Variants in ST18 observed in about 807,000 individuals in gnomAD.
The protein encoded by ST18 is suppression of tumorigenicity 18 protein.
ST18 carries 50 observed loss-of-function variants against 110.0 expected under a neutral mutation model. The observed-to-expected ratio is 0.45, with a 90% confidence interval of 0.36 to 0.58. The LOEUF (loss-of-function observed/expected upper bound fraction) is 0.58, where lower values mean the gene tolerates loss of function less well. Among genes scored for constraint, ST18 ranks in the 20% least tolerant of loss-of-function variants. ST18 has a pLI of 0.00. For missense variants in ST18, 1,306 were observed against 1,280.1 expected (o/e 1.02, Z -0.31); for synonymous variants, 461 against 452.4 (o/e 1.02, Z -0.24).
At chr8:52,397,557 T>C (rs1841562694) in intron 2 of ST18, among the ~76,000 whole-genome samples, 1 of 152,202 alleles carries the variant, frequency 6.6e-6, no homozygotes, top group Non-Finnish European at 1.5e-5. Context: ...GCTTTTCCCC[T>C]ATCTTCTCAC....
intron 7 of ST18, 61 bp downstream of exon 7, chr8:52,214,141 TG>T (rs764696116): frequency 4.5e-4 from 691 of 1,544,094 alleles, no homozygotes; most frequent in Non-Finnish European, 5.9e-4. Context: ...GACTGAGCAC[TG>T]GAACGCTCAT....
intron 2 of ST18, among the ~76,000 whole-genome samples, chr8:52,344,419 A>G (rs909099705): frequency 6.8e-5 from 10 of 146,972 alleles, no homozygotes; most frequent in African/African-American, 2.3e-4. Context: ...TTTTTTTTTG[A>G]AATGGAGTTT....
At chr8:52,280,155 G>A (rs6989181) in intron 2 of ST18, among the ~76,000 whole-genome samples, 8,604 of 151,836 alleles carry the variant, frequency 0.057, 821 homozygotes, top group African/African-American at 0.2. Context: ...AGGAATAACC[G>A]CTAAAAAAAT....
intron 25 of ST18, among the ~76,000 whole-genome samples, chr8:52,113,653 G>C (rs115142051): frequency 0.024 from 3,627 of 152,262 alleles, 143 homozygotes; most frequent in African/African-American, 0.083. Context: ...CCTCAGCCTT[G>C]ACTGCACATG....
rs117165634 is a variant in ST18, at chr8:52,147,895, C to T, written c.2052+1837G>A. Among the ~76,000 whole-genome samples, 27 of 152,278 alleles carry T rather than the reference C, an allele frequency of 1.8e-4. No individual in the cohort carries two copies. The East Asian group carries it at 3.9e-3, about 22-fold the overall frequency. On this transcript the variant is annotated intron_variant, in intron 16 of 25. Transcript: ENST00000689386. Reference sequence around the variant, plus strand: ...AGCTAACTCGTATGTAGTAGGACTGCGCCAACAATTTTGATCTCATCACAA... The same window carrying T: ...AGCTAACTCGTATGTAGTAGGACTGTGCCAACAATTTTGATCTCATCACAA...
chr8:52,287,411 A>C (rs1369044695), intron 2 of ST18, among the ~76,000 whole-genome samples: 1 of 152,158 alleles, frequency 6.6e-6, no homozygotes, highest in African/African-American at 2.4e-5. Flanking sequence ...TCTTTGTCTC[A>C]AAGAGGAGGT....
At chr8:52,232,270 G>A (rs1485155739) in intron 2 of ST18, among the ~76,000 whole-genome samples, 1 of 152,152 alleles carries the variant, frequency 6.6e-6, no homozygotes, top group African/African-American at 2.4e-5. Flanking sequence ...CTTCCCTTCA[G>A]ATGAAGCCAT....
chr8:52,318,320 G>C, intron 2 of ST18, among the ~76,000 whole-genome samples: 1 of 152,232 alleles, frequency 6.6e-6, no homozygotes, highest in South Asian at 2.1e-4. Context: ...CCGATCATTA[G>C]AGAAATACAA....
At chr8:52,297,405 T>G (rs1350226156) in intron 2 of ST18, among the ~76,000 whole-genome samples, 1 of 152,268 alleles carries the variant, frequency 6.6e-6, no homozygotes, top group Non-Finnish European at 1.5e-5. Flanking sequence ...CAATCTTTTT[T>G]TAAAATAATT....
intron 8 of ST18, 143 bp from the exon 9 acceptor site, chr8:52,180,455 T>A (rs1421298472): frequency 2.5e-6 from 2 of 805,150 alleles, no homozygotes; most frequent in African/African-American, 1.7e-5. Flanking sequence ...AACAAAAACA[T>A]CCCATCTGTG....
In ST18 at chr8:52,130,152, A is replaced by AAAGAAAGG. The variant is rs1389757974; in HGVS notation, c.2666+1805_2666+1806insCCTTTCTT. Reference sequence around the variant, plus strand: ...GAAAGAAAGAAAGAAAGAAAGAAAGAAAGAAAGAAAGAAAAAGAAAAGAAA... The same window carrying AAAGAAAGG: ...GAAAGAAAGAAAGAAAGAAAGAAAGAAAGAAAGGAAGAAAGAAAGAAAAAGAAAAGAAA... On this transcript the variant is annotated intron_variant, in intron 22 of 25. Transcript: ENST00000689386. 4.6e-5 allele frequency among the ~76,000 whole-genome samples: 7 copies of AAAGAAAGG among 150,548 alleles called. No homozygotes were observed. In the East Asian group the frequency reaches 9.7e-4, roughly 21 times the overall value.
intron 8 of ST18, among the ~76,000 whole-genome samples, chr8:52,204,148 T>C (rs1487864039): frequency 6.6e-6 from 1 of 152,166 alleles, no homozygotes; most frequent in Non-Finnish European, 1.5e-5. Context: ...CACACTACTG[T>C]CAAGATTTGG....
In ST18 at chr8:52,161,454, G is replaced by A. The variant is rs774930522; in HGVS notation, c.1515C>T (p.Ala505=). 1 of 1,614,108 alleles carries A rather than the reference G, an allele frequency of 6.2e-7. No homozygotes were observed. The change falls in exon 14 of 26, where the codon GCC becomes GCT. Residue 505 remains alanine (A), a synonymous_variant. Coordinates refer to ENST00000689386, the MANE Select transcript of ST18 (RefSeq NM_001352837.2). ...EKFGKVPFDY[A]SFDAQVFGKR... is the part of the protein sequence containing the mutation. ...TACCGAAAACTTGGGCATCAAAACT[G>A]GCATAATCAAATGGTACTTTTCCAA...
intron 9 of ST18, among the ~76,000 whole-genome samples, chr8:52,176,566 G>A (rs1339727594): frequency 6.6e-6 from 1 of 152,192 alleles, no homozygotes; most frequent in African/African-American, 2.4e-5. Context: ...ACAGTGTGGG[G>A]AGGGAGCAGC....
chr8:52,238,435 T>C (rs7836081), intron 2 of ST18, among the ~76,000 whole-genome samples: 5,314 of 152,198 alleles, frequency 0.035, 296 homozygotes, highest in African/African-American at 0.12. Context: ...GTAAAGACAT[T>C]TCTCAAAGAA....
intron 23 of ST18, among the ~76,000 whole-genome samples, chr8:52,119,424 C>G (rs940158494): frequency 2.0e-5 from 3 of 152,024 alleles, no homozygotes; most frequent in Non-Finnish European, 4.4e-5. Flanking sequence ...TGAACTTCCA[C>G]GTAGAGACTT....
intron 8 of ST18, chr8:52,194,480 G>T (rs2075582516): frequency 6.6e-6 from 1 of 152,172 alleles, no homozygotes; most frequent in Non-Finnish European, 1.5e-5. Context: ...ATAATATGAG[G>T]TCTGTGTGTT....
At chr8:52,256,197 GA>G (rs2094524002) in intron 2 of ST18, among the ~76,000 whole-genome samples, 1 of 152,216 alleles carries the variant, frequency 6.6e-6, no homozygotes, top group South Asian at 2.1e-4. Context: ...TATGCACGCA[GA>G]TTCACTTTCC....
At chr8:52,328,947 T>C (rs1807805621) in intron 2 of ST18, among the ~76,000 whole-genome samples, 1 of 152,124 alleles carries the variant, frequency 6.6e-6, no homozygotes, top group South Asian at 2.1e-4. Flanking sequence ...AACTTGGTAA[T>C]GTGACTGATT....
Sources: gnomAD v4.1 joint callset for allele counts (sites outside exome capture counted in the v4.1 genomes callset) on GRCh38, gnomAD v4.1.1 for gene constraint, MANE v1.5 for transcripts, NCBI Gene and HGNC (gene_info 2026-07-23, HGNC 2026-07-21) for gene names.